The following NTMT1 variants were observed in gnomAD, a reference collection of about 807,000 sequenced individuals.
NTMT1 encodes N-terminal RCC1 methyltransferase.
NTMT1 carries 8 observed loss-of-function variants against 17.5 expected under a neutral mutation model. The ratio of observed to expected loss-of-function variants is 0.46; its 90% CI spans 0.27 to 0.82. The LOEUF is 0.82. Ranked by LOEUF, NTMT1 falls within the 40% of genes least tolerant of loss-of-function variation. The pLI, the probability that NTMT1 is intolerant of heterozygous loss-of-function variation, is 0.15. For synonymous variants in NTMT1, 128 were observed against 126.8 expected, an observed-to-expected ratio of 1.01 and a Z score of -0.06; for missense variants, 221 against 303.5, an observed-to-expected ratio of 0.73 and a Z score of 2.02.
At chr9:129,612,081 T>C (rs1355197439) in intron 1 of NTMT1, 6 of 419,714 alleles carry the variant, frequency 1.4e-5, no homozygotes, top group African/African-American at 1.2e-4. Flanking sequence ...TGGCAGGGTC[T>C]CCCACCTTCC....
Position 129,635,470 on chromosome 9 carries a change from G to A in NTMT1, c.*6G>A. The A allele has an allele frequency of 6.2e-7, 1 of 1,602,140 alleles. No homozygotes were observed. Among genetic ancestry groups the A allele is most frequent in the African/African-American group, 1.3e-5 (1 of 74,886 alleles). ...ATAGCTTTGCCCTGAGATGAGCCGG[G>A]GCTGGCAGGAGAAACTGAGGAACCA... is the stretch of plus-strand genomic sequence containing the variant. On this transcript the variant is annotated 3_prime_UTR_variant, in exon 4 of 4. Transcript: ENST00000372483.
At chr9:129,633,663 C>CAAAAA (rs10650201) in intron 2 of NTMT1, 11 of 148,796 alleles carry the variant, frequency 7.4e-5, no homozygotes, top group African/African-American at 2.5e-4. Context: ...ACAAAAAATA[C>CAAAAA]AAAAAAAAAA....
At chr9:129,626,747 G>A (rs1324521891) in intron 1 of NTMT1, among the ~76,000 whole-genome samples, 1 of 152,210 alleles carries the variant, frequency 6.6e-6, no homozygotes, top group Non-Finnish European at 1.5e-5. Flanking sequence ...AACCTTGGGT[G>A]CCACCCGAGC....
At chr9:129,626,517 GAAAGTCA>G (rs1245179853) in intron 1 of NTMT1, 1 of 152,458 alleles carries the variant, frequency 6.6e-6, no homozygotes, top group African/African-American at 2.4e-5. Flanking sequence ...GGTACAGGAG[GAAAGTCA>G]AGGCACTCAA....
chr9:129,613,563 G>C lies in NTMT1; in HGVS notation c.-55+4385G>C, dbSNP rs750853346. The stretch of plus-strand genomic sequence containing the variant: ...ACACCCGCTCGGACGCCACTGGCAG[G>C]GCGGCCTTCTGGTTCACAATGACGC... On this transcript the variant is annotated intron_variant, in intron 1 of 3. Coordinates refer to the NTMT1 transcript ENST00000372486. The surrounding 1 kb of genome is among the most constrained non-coding windows in gnomAD (Gnocchi z 6.2). 1 of 1,614,142 alleles carries C rather than the reference G, an allele frequency of 6.2e-7. No homozygotes were observed. Among genetic ancestry groups the C allele is most frequent in the South Asian group, 1.1e-5 (1 of 91,080 alleles).
At chr9:129,633,226 T>A in intron 2 of NTMT1, 1 of 400,788 alleles carries the variant, frequency 2.5e-6, no homozygotes. Context: ...CTCCTAGTTA[T>A]GTGCCATGGT....
chr9:129,619,754 G>T lies in NTMT1; in HGVS notation c.-55+10576G>T. On this transcript the variant is annotated intron_variant, in intron 1 of 3. Coordinates refer to the NTMT1 transcript ENST00000372486. The stretch of plus-strand genomic sequence containing the variant: ...CTGACGCTTACCACAGGTCTGGGAG[G>T]AATGAACAGTTGGGACACCGCGGAG... The T allele has an allele frequency of 1.9e-6, 3 of 1,614,078 alleles. No homozygotes were observed. The East Asian group carries it at 6.7e-5, about 36-fold the overall frequency.
At chr9:129,609,187 G>C (rs1231207638) in intron 1 of NTMT1, 1 of 152,420 alleles carries the variant, frequency 6.6e-6, no homozygotes, top group Non-Finnish European at 1.5e-5. Flanking sequence ...AGGTGAGACC[G>C]CCTGAGCCCT....
intron 1 of NTMT1, among the ~76,000 whole-genome samples, chr9:129,630,948 G>A (rs1332862164): frequency 6.6e-6 from 1 of 152,228 alleles, no homozygotes; most frequent in African/African-American, 2.4e-5. Context: ...TTGGCAGTGT[G>A]GGAAACACAT....
chr9:129,612,685 C>A (rs1830148458), intron 1 of NTMT1, among the ~76,000 whole-genome samples: 1 of 152,248 alleles, frequency 6.6e-6, no homozygotes, highest in African/African-American at 2.4e-5. Context: ...CAAGACCAGC[C>A]TGGCCAGCAT....
chr9:129,615,728 A>G, intron 1 of NTMT1: 2 of 1,421,242 alleles, frequency 1.4e-6, no homozygotes, highest in Non-Finnish European at 1.9e-6. Flanking sequence ...ACTCGCTGTG[A>G]GATCCTGGAC....
At chr9:129,621,032 AATGGG>A (rs1830681996) in intron 1 of NTMT1, among the ~76,000 whole-genome samples, 1 of 152,194 alleles carries the variant, frequency 6.6e-6, no homozygotes, top group South Asian at 2.1e-4. Context: ...TGGTCTGCAG[AATGGG>A]GATAATAGCA....
rs1028519462 is a variant in NTMT1 at position 129,609,365 on chromosome 9, C to G, written c.-55+187C>G. On this transcript the variant is annotated intron_variant, in intron 1 of 3. Transcript: ENST00000372486. ...TTCCTCCCCCTCCCCCCAACTAGAC[C>G]GGGCTGCCACTCTCCCCTGCCCTGG... Among the ~76,000 whole-genome samples the G allele has an allele frequency of 7.2e-5, 11 of 152,248 alleles. No individual in the cohort carries two copies. The East Asian group carries it at 2.1e-3, about 29-fold the overall frequency.
intron 1 of NTMT1, among the ~76,000 whole-genome samples, chr9:129,616,728 C>G (rs1830408094): frequency 6.6e-6 from 1 of 152,158 alleles, no homozygotes; most frequent in African/African-American, 2.4e-5. Context: ...TGGCCTTAAT[C>G]AAGGGTATCT....
At chr9:129,630,604 T>G (rs1831110816) in intron 1 of NTMT1, among the ~76,000 whole-genome samples, 1 of 152,176 alleles carries the variant, frequency 6.6e-6, no homozygotes, top group Non-Finnish European at 1.5e-5. Flanking sequence ...TGAGTTGTGT[T>G]TGAGGACTGT....
At position 129,618,366 on chromosome 9, in the gene NTMT1, G is replaced by C. The variant is rs192706307; in HGVS notation, c.-55+9188G>C. On this transcript the variant is annotated intron_variant, in intron 1 of 3. Coordinates refer to the NTMT1 transcript ENST00000372486. The stretch of plus-strand genomic sequence containing the variant: ...ATATAGTAAAACCTAATAAAAGTTA[G>C]AGTAAGAAATGGACAAATGATGGTG... Among the ~76,000 whole-genome samples, 388 of 152,252 alleles carry C rather than the reference G, an allele frequency of 2.5e-3. 1 individual carries two copies. The highest frequency in any genetic ancestry group is 3.2e-3 in the Non-Finnish European group (221 of 68,032).
intron 1 of NTMT1, among the ~76,000 whole-genome samples, chr9:129,627,254 C>G (rs1830946083): frequency 6.7e-6 from 1 of 149,922 alleles, no homozygotes. Context: ...GGGTTCTGTG[C>G]TTATAGGCAG....
chr9:129,610,009 C>G (rs924900551), intron 1 of NTMT1, among the ~76,000 whole-genome samples: 5 of 131,396 alleles, frequency 3.8e-5, no homozygotes, highest in African/African-American at 1.5e-4. Context: ...GGGTGTGGCC[C>G]TGTGGTGTGC....
chr9:129,634,942 T>G, intron 3 of NTMT1: 1 of 481,238 alleles, frequency 2.1e-6, no homozygotes, highest in Non-Finnish European at 3.7e-6. Context: ...TCATGGTGTG[T>G]AGGTATCAGG....
Sources: gnomAD v4.1 joint callset for allele counts (sites outside exome capture counted in the v4.1 genomes callset) on GRCh38, gnomAD v4.1.1 for gene constraint, Gnocchi (gnomAD v3.1) non-coding constraint, MANE v1.5 for transcripts, NCBI Gene and HGNC (gene_info 2026-07-23, HGNC 2026-07-21) for gene names.